Variants in TENM2 observed in about 807,000 individuals in gnomAD.
TENM2 encodes the protein teneurin-2.
Under a neutral mutation model 245.2 loss-of-function variants are expected in TENM2, and 52 were observed. The observed-to-expected ratio is 0.21, with a 90% confidence interval of 0.17 to 0.27. TENM2 has a LOEUF of 0.27. Ranked by LOEUF, TENM2 falls within the 10% of genes least tolerant of loss-of-function variation. The pLI, the probability that TENM2 is intolerant of heterozygous loss-of-function variation, is 1.00. For missense variants in TENM2, 3,046 were observed against 3,666.8 expected (o/e 0.83, Z 4.37); for synonymous variants, 1,363 against 1,438.9 (o/e 0.95, Z 1.19).
intron 1 of TENM2, among the ~76,000 whole-genome samples, chr5:167,324,266 T>G (rs1353554735): frequency 6.6e-6 from 1 of 152,186 alleles, no homozygotes; most frequent in African/African-American, 2.4e-5. Flanking sequence ...AGAGATGCAG[T>G]AGCATGCACT....
At chr5:168,256,737 C>A (rs1296531528) in intron 27 of TENM2, among the ~76,000 whole-genome samples, 2 of 152,148 alleles carry the variant, frequency 1.3e-5, no homozygotes, top group African/African-American at 4.8e-5. Context: ...AAACCTGTTT[C>A]TTAAATGGAC....
chr5:167,909,873 C>A (rs1329802961), intron 3 of TENM2, among the ~76,000 whole-genome samples: 1 of 149,812 alleles, frequency 6.7e-6, no homozygotes, highest in Non-Finnish European at 1.5e-5. Flanking sequence ...ATTATGCCTT[C>A]CAAAGTTAAT....
intron 3 of TENM2, among the ~76,000 whole-genome samples, chr5:167,900,156 AAAGG>A (rs1775589991): frequency 6.8e-6 from 1 of 147,444 alleles, no homozygotes; most frequent in South Asian, 2.2e-4. Flanking sequence ...TTTGGAAAGG[AAAGG>A]AATGATATCT....
chr5:167,552,656 A>G (rs1773027745), intron 2 of TENM2, among the ~76,000 whole-genome samples: 1 of 152,212 alleles, frequency 6.6e-6, no homozygotes, highest in African/African-American at 2.4e-5. Context: ...TGCTTTGGGC[A>G]TGGAAGATGA....
intron 1 of TENM2, among the ~76,000 whole-genome samples, chr5:167,334,728 T>C (rs1757655774): frequency 6.6e-6 from 1 of 152,232 alleles, no homozygotes; most frequent in Non-Finnish European, 1.5e-5. Context: ...TTATCTGGTT[T>C]GCAGGTCATA....
At chr5:167,142,045 A>G in the TENM2 span, among the ~76,000 whole-genome samples, 1 of 152,160 alleles carries the variant, frequency 6.6e-6, no homozygotes, top group East Asian at 1.9e-4. Context: ...AAACCATATT[A>G]ACATTGCCTA....
chr5:167,248,200 G>A, the TENM2 span, among the ~76,000 whole-genome samples: 10 of 152,090 alleles, frequency 6.6e-5, no homozygotes, highest in African/African-American at 2.4e-4. Context: ...GTTCTTTTTT[G>A]TTTAATACTT....
rs186258938 is a variant in TENM2, at chr5:168,073,881, A to G, written c.1515+11616A>G. Among the ~76,000 whole-genome samples, 108 of 152,330 alleles carry G rather than the reference A, an allele frequency of 7.1e-4. 1 individual carries two copies. The East Asian group carries it at 0.016, about 22-fold the overall frequency. ...GGCCATCACGTTGTATTCAGCCAAC[A>G]TTTACTGAGCACCTATATGCGACAT... On this transcript the variant is annotated intron_variant, in intron 7 of 28. Coordinates refer to ENST00000518659, the Ensembl canonical transcript of TENM2.
intron 2 of TENM2, among the ~76,000 whole-genome samples, chr5:167,649,234 A>T (rs191469535): frequency 9.5e-4 from 145 of 152,300 alleles, no homozygotes; most frequent in African/African-American, 3.2e-3. Context: ...GTAAGGCACT[A>T]TATTAAATTA....
chr5:168,114,369 G>C (rs138461955), intron 9 of TENM2, among the ~76,000 whole-genome samples: 13 of 152,344 alleles, frequency 8.5e-5, no homozygotes, highest in Non-Finnish European at 1.9e-4. Flanking sequence ...TTGGCACAGA[G>C]TAGGCAGTCA....
At position 167,426,056 on chromosome 5, in the gene TENM2, G is replaced by A. The variant is rs531637173; in HGVS notation, c.502+50583G>A. 3.3e-5 allele frequency among the ~76,000 whole-genome samples: 5 copies of A among 152,152 alleles called. No individual in the cohort carries two copies. The East Asian group carries it at 9.7e-4, about 29-fold the overall frequency. ...CCACCCTCCTCATTTTTGTTACTGG[G>A]AATGAAATCGACTTCAAAATAAACC... is the stretch of plus-strand genomic sequence containing the variant. On this transcript the variant is annotated intron_variant, in intron 2 of 28. Coordinates refer to ENST00000518659, the Ensembl canonical transcript of TENM2.
At chr5:167,814,194 T>G (rs999345859) in intron 2 of TENM2, among the ~76,000 whole-genome samples, 1 of 152,118 alleles carries the variant, frequency 6.6e-6, no homozygotes, top group East Asian at 1.9e-4. Context: ...TCCTTTGTCC[T>G]CAAGGGAATC....
At chr5:168,198,743 G>T (rs908304788) in intron 15 of TENM2, 110 bp from the exon 18 acceptor site, 30 of 1,363,478 alleles carry the variant, frequency 2.2e-5, no homozygotes, top group African/African-American at 2.9e-5. Context: ...AAAGCCCATG[G>T]TCTCCTCTGT....
At chr5:168,062,094 T>A (rs1790094716) in exon 7 of TENM2, 1 of 1,611,734 alleles carries the variant, frequency 6.2e-7, no homozygotes, top group Non-Finnish European at 8.5e-7. Context: ...GCATAGACAG[T>A]GGTGAAGCAG....
intron 2 of TENM2, among the ~76,000 whole-genome samples, chr5:167,755,379 C>T (rs1382888238): frequency 6.6e-6 from 1 of 151,118 alleles, no homozygotes; most frequent in Non-Finnish European, 1.5e-5. Context: ...CTCACTGAGT[C>T]TAATTTCTAA....
At chr5:167,249,788 T>C in the TENM2 span, among the ~76,000 whole-genome samples, 1 of 151,868 alleles carries the variant, frequency 6.6e-6, no homozygotes, top group Non-Finnish European at 1.5e-5. Context: ...ACTATGCCTT[T>C]ATACTCACTA....
At chr5:168,214,359 C>A (rs768836242) in intron 20 of TENM2, among the ~76,000 whole-genome samples, 1 of 152,232 alleles carries the variant, frequency 6.6e-6, no homozygotes, top group African/African-American at 2.4e-5. Context: ...CCGTGGCTCA[C>A]GCCTGTGACC....
At chr5:167,189,153 C>G in the TENM2 span, among the ~76,000 whole-genome samples, 4 of 152,108 alleles carry the variant, frequency 2.6e-5, no homozygotes, top group Admixed American at 6.6e-5. Context: ...AGTGACAATA[C>G]AGTCAAGCAG....
chr5:168,225,973 C>G, intron 23 of TENM2, 115 bp from the exon 26 acceptor site: 1 of 939,382 alleles, frequency 1.1e-6, no homozygotes, highest in Non-Finnish European at 1.6e-6. Context: ...TGAGATGCGC[C>G]ACCCAGCCAA....
Sources: allele counts gnomAD v4.1 joint callset (sites outside exome capture counted in the v4.1 genomes callset), GRCh38; gene constraint gnomAD v4.1.1; transcripts MANE v1.5; gene names NCBI Gene and HGNC (gene_info 2026-07-23, HGNC 2026-07-21).